Variants in MARCHF1 observed in about 807,000 individuals in gnomAD.
The protein encoded by MARCHF1 is membrane associated ring-CH-type finger 1.
MARCHF1 carries 40 observed loss-of-function variants against 54.2 expected under a neutral mutation model. The observed-to-expected ratio is 0.74, with a 90% CI of 0.57 to 0.96. The LOEUF is 0.96. Ranked by LOEUF, MARCHF1 falls within the 40% of genes least tolerant of loss-of-function variation. MARCHF1 has a pLI of 0.00. For missense variants in MARCHF1, 586 were observed against 656.5 expected, an observed-to-expected ratio of 0.89 and a Z score of 1.17; for synonymous variants, 236 against 236.3, an observed-to-expected ratio of 1.00 and a Z score of 0.01.
chr4:164,176,966 C>CCATATATATA (rs1730688881), intron 1 of MARCHF1, among the ~76,000 whole-genome samples: 1 of 46,736 alleles, frequency 2.1e-5, no homozygotes, highest in Non-Finnish European at 3.8e-5. Flanking sequence ...CTCTCTCTCT[C>CCATATATATA]TCTCTCTCTC....
At chr4:164,323,419 T>C (rs1364872118) in intron 1 of MARCHF1, among the ~76,000 whole-genome samples, 1 of 151,528 alleles carries the variant, frequency 6.6e-6, no homozygotes. Context: ...GCATATCTTT[T>C]AAAATAGTCC....
At chr4:164,136,784 CCAA>C (rs1756412225) in intron 1 of MARCHF1, among the ~76,000 whole-genome samples, 1 of 139,792 alleles carries the variant, frequency 7.2e-6, no homozygotes, top group South Asian at 2.1e-4. Flanking sequence ...GAGCAGTCCA[CCAA>C]CTCATGTTAC....
At chr4:163,767,034 A>G (rs1263220856) in intron 4 of MARCHF1, among the ~76,000 whole-genome samples, 1 of 150,304 alleles carries the variant, frequency 6.7e-6, no homozygotes, top group East Asian at 2.0e-4. Context: ...TATCTCATTT[A>G]ATTCCCATAA....
chr4:163,703,402 C>T (rs929568334), intron 4 of MARCHF1, among the ~76,000 whole-genome samples: 8 of 152,104 alleles, frequency 5.3e-5, no homozygotes, highest in East Asian at 1.9e-4. Flanking sequence ...TCTTGGAAAA[C>T]GTCCAAAGCA....
chr4:164,130,818 CATTG>C (rs1419042960), intron 1 of MARCHF1, among the ~76,000 whole-genome samples: 4 of 152,144 alleles, frequency 2.6e-5, no homozygotes, highest in Non-Finnish European at 5.9e-5. Context: ...TAAATTAATA[CATTG>C]ATTGATGTCG....
At chr4:163,819,435 A>G (rs1276729991) in intron 4 of MARCHF1, among the ~76,000 whole-genome samples, 1 of 152,114 alleles carries the variant, frequency 6.6e-6, no homozygotes, top group Non-Finnish European at 1.5e-5. Context: ...TTTGCATAAG[A>G]AAGTGTCACA....
chr4:163,719,747 A>C (rs1745383869), intron 4 of MARCHF1, among the ~76,000 whole-genome samples: 2 of 151,930 alleles, frequency 1.3e-5, no homozygotes, highest in Non-Finnish European at 2.9e-5. Flanking sequence ...ATGGTATCTC[A>C]TTGTGGTTTT....
At chr4:163,749,292 CT>C (rs11353218) in intron 4 of MARCHF1, among the ~76,000 whole-genome samples, 51,226 of 150,640 alleles carry the variant, frequency 0.34, 9,209 homozygotes, top group Non-Finnish European at 0.41. Context: ...TCTAGTATTG[CT>C]TTTTTTTTCT....
rs1359366628 is a variant in MARCHF1, at chr4:164,129,691, C to A, written c.-322-18029G>T. Among the ~76,000 whole-genome samples, 2 of 152,018 alleles carry A rather than the reference C, an allele frequency of 1.3e-5. 1 individual carries two copies. Among genetic ancestry groups the A allele is most frequent in the Non-Finnish European group, 2.9e-5 (2 of 67,992 alleles). On this transcript the variant is annotated intron_variant, in intron 1 of 9. Coordinates refer to ENST00000514618, the MANE Select transcript of MARCHF1 (RefSeq NM_001394959.1). ...ATAGTTTATTCCATAGCAGTGAGTA[C>A]AATCAAGTGTGGAATTTTTTTAGTA...
intron 3 of MARCHF1, among the ~76,000 whole-genome samples, chr4:163,977,319 T>C (rs1752667663): frequency 6.6e-6 from 1 of 152,088 alleles, no homozygotes. Context: ...GATCAGTAGC[T>C]ACATTCAGGA....
At chr4:164,035,923 C>A (rs1416755371) in intron 2 of MARCHF1, among the ~76,000 whole-genome samples, 67 of 66,196 alleles carry the variant, frequency 1.0e-3, no homozygotes, top group South Asian at 7.0e-4. Context: ...TCTACTAAAA[C>A]TAAAACTAAA....
intron 3 of MARCHF1, among the ~76,000 whole-genome samples, chr4:163,987,603 A>G (rs11932622): frequency 0.28 from 43,021 of 152,132 alleles, 6,912 homozygotes; most frequent in South Asian, 0.37. Flanking sequence ...CTGGAGGTAG[A>G]CAAAGCCCAT....
intron 1 of MARCHF1, among the ~76,000 whole-genome samples, chr4:164,206,175 GC>G (rs1731599828): frequency 6.6e-6 from 1 of 152,178 alleles, no homozygotes; most frequent in African/African-American, 2.4e-5. Context: ...GGTGGCTCAT[GC>G]TTGCAATCCC....
chr4:163,869,049 C>A (rs1314984921), intron 3 of MARCHF1, among the ~76,000 whole-genome samples: 1 of 151,182 alleles, frequency 6.6e-6, no homozygotes, highest in Non-Finnish European at 1.5e-5. Flanking sequence ...ACATAAAACG[C>A]ATAAACCCTC....
intron 1 of MARCHF1, among the ~76,000 whole-genome samples, chr4:164,381,069 T>C (rs918130431): frequency 2.0e-5 from 3 of 152,170 alleles, no homozygotes; most frequent in Non-Finnish European, 4.4e-5. Context: ...TCATACAGGA[T>C]CTTTCCATGG....
In MARCHF1 at chr4:163,585,837, T is replaced by C; in HGVS notation, c.1103A>G (p.His368Arg). 1 of 1,613,980 alleles carries C rather than the reference T, an allele frequency of 6.2e-7. No homozygotes were observed. Among genetic ancestry groups the C allele is most frequent in the Middle Eastern group, 1.7e-4 (1 of 6,058 alleles). Residue 368 changes from histidine to arginine, a missense_variant, in exon 8 of 10, where the codon CAC (histidine) becomes CGC (arginine). By Grantham distance (29) the His-to-Arg change is conservative. Coordinates refer to ENST00000514618, the MANE Select transcript of MARCHF1 (RefSeq NM_001394959.1). ...TGTATCTGAGCTCTTTATCCACTGG[T>C]GGAGGCAGGACTGGTGGACAAAGCG... is the stretch of plus-strand genomic sequence containing the variant. The part of the protein sequence containing the change: ...TLRFVHQSCL[H>R]QWIKSSDTRC...
intron 1 of MARCHF1, among the ~76,000 whole-genome samples, chr4:164,141,964 G>A (rs562117793): frequency 5.9e-5 from 9 of 152,226 alleles, no homozygotes; most frequent in East Asian, 5.8e-4. Context: ...GTGGGTGGGC[G>A]CACCGTGAGC....
chr4:163,934,756 T>C (rs1751758559), intron 3 of MARCHF1, among the ~76,000 whole-genome samples: 1 of 151,588 alleles, frequency 6.6e-6, no homozygotes, highest in Non-Finnish European at 1.5e-5. Flanking sequence ...AAGTCATCTA[T>C]TAGGACTGAA....
At chr4:164,371,690 G>A (rs1731041453) in intron 1 of MARCHF1, among the ~76,000 whole-genome samples, 1 of 152,150 alleles carries the variant, frequency 6.6e-6, no homozygotes, top group South Asian at 2.1e-4. Context: ...TTAAACATAT[G>A]CATGCAAAAC....
Sources: allele counts gnomAD v4.1 joint callset (sites outside exome capture counted in the v4.1 genomes callset), GRCh38; gene constraint gnomAD v4.1.1; transcripts MANE v1.5; gene names NCBI Gene and HGNC (gene_info 2026-07-23, HGNC 2026-07-21).